RAPGEF2: variants seen among roughly 807,000 people sequenced by gnomAD.
The protein encoded by RAPGEF2 is PDZ domain containing guanine nucleotide exchange factor (GEF) 1.
Under a neutral mutation model 186.7 loss-of-function variants are expected in RAPGEF2, and 54 were observed. The ratio of observed to expected loss-of-function variants is 0.29; its 90% CI spans 0.23 to 0.36. RAPGEF2 has a LOEUF of 0.36. Among genes scored for constraint, RAPGEF2 ranks in the 10% least tolerant of loss-of-function variants. RAPGEF2 has a pLI of 1.00. For synonymous variants in RAPGEF2, 712 were observed against 705.9 expected, an observed-to-expected ratio of 1.01 and a Z score of -0.14; for missense variants, 1,532 against 2,045.0, an observed-to-expected ratio of 0.75 and a Z score of 4.84.
chr4:159,147,161 A>G (rs1743038155), intron 1 of RAPGEF2, among the ~76,000 whole-genome samples: 1 of 152,212 alleles, frequency 6.6e-6, no homozygotes, highest in African/African-American at 2.4e-5. Context: ...GAAACTAAAC[A>G]TTAATGACTA....
rs144688800 is a variant in RAPGEF2 at position 159,314,013 on chromosome 4, G to A, written c.676-578G>A. Among the ~76,000 whole-genome samples, 82 of 152,328 alleles carry A rather than the reference G, an allele frequency of 5.4e-4. 2 individuals are homozygous for A. In the East Asian group the frequency reaches 0.015, roughly 28 times the overall value. On this transcript the variant is annotated intron_variant, in intron 8 of 29. Coordinates refer to ENST00000691494, the MANE Select transcript of RAPGEF2 (RefSeq NM_001394067.2). ...CTGTGTTGATGAATGGGAAGAAAGA[G>A]TATGTTGCCTTTACGCGTATGGTCT...
chr4:159,119,133 A>G (rs899913004), intron 1 of RAPGEF2, among the ~76,000 whole-genome samples: 1 of 152,206 alleles, frequency 6.6e-6, no homozygotes, highest in Non-Finnish European at 1.5e-5. Flanking sequence ...GGTTAACTCC[A>G]GGCTTATTTT....
At chr4:159,319,978 G>T (rs1224607588) in intron 9 of RAPGEF2, among the ~76,000 whole-genome samples, 1 of 151,966 alleles carries the variant, frequency 6.6e-6, no homozygotes, top group East Asian at 1.9e-4. Flanking sequence ...TTCTATTATT[G>T]TCTAAACAGA....
intron 1 of RAPGEF2, among the ~76,000 whole-genome samples, chr4:159,125,900 T>G (rs781584441): frequency 1.3e-5 from 2 of 152,220 alleles, no homozygotes; most frequent in Non-Finnish European, 2.9e-5. Context: ...TTTGCTTTCA[T>G]CATGGTTCAG....
intron 4 of RAPGEF2, among the ~76,000 whole-genome samples, chr4:159,219,893 ATAT>A (rs1751370316): frequency 6.6e-6 from 1 of 152,214 alleles, no homozygotes; most frequent in East Asian, 1.9e-4. Context: ...TGTCCTACAA[ATAT>A]TATTGATTGC....
At chr4:159,178,583 A>G (rs1366800810) in intron 1 of RAPGEF2, among the ~76,000 whole-genome samples, 1 of 102,196 alleles carries the variant, frequency 9.8e-6, no homozygotes, top group Admixed American at 1.5e-4. Context: ...TTTGAGACGG[A>G]GTCTCGCTCT....
At chr4:159,354,072 G>C (rs1731600354) in intron 28 of RAPGEF2, 26 bp downstream of exon 28, 1 of 1,525,102 alleles carries the variant, frequency 6.6e-7, no homozygotes. Flanking sequence ...GGGGGACTTT[G>C]TCATGTCTGG....
At chr4:159,221,864 A>C (rs1262448533) in intron 4 of RAPGEF2, among the ~76,000 whole-genome samples, 1 of 152,232 alleles carries the variant, frequency 6.6e-6, no homozygotes, top group Non-Finnish European at 1.5e-5. Flanking sequence ...AAAATGATGA[A>C]ACAAATATCA....
At chr4:159,210,716 GATGC>G in intron 4 of RAPGEF2, 133 bp downstream of exon 4, 3 of 604,316 alleles carry the variant, frequency 5.0e-6, no homozygotes, top group Non-Finnish European at 8.4e-6. Context: ...TTGGGGTGTT[GATGC>G]ATGAATCTTT....
chr4:159,147,676 C>T (rs557228612), intron 1 of RAPGEF2, among the ~76,000 whole-genome samples: 2 of 152,184 alleles, frequency 1.3e-5, no homozygotes, highest in Admixed American at 6.5e-5. Flanking sequence ...AGAATGCATA[C>T]TGTAGTTGAA....
Position 159,343,156 on chromosome 4 carries a change from A to G in RAPGEF2, c.3096A>G (p.Pro1032=), listed in dbSNP as rs1729789651. 6.2e-7 allele frequency: 1 copy of G among 1,614,016 alleles called. No homozygotes were observed. Among genetic ancestry groups the G allele is most frequent in the African/African-American group, 1.3e-5 (1 of 74,920 alleles). The change falls in exon 21 of 30, where the codon CCA becomes CCG. Residue 1032 remains proline (P), a synonymous_variant. Transcript: ENST00000691494. ...AACCTCCCATAATCCCTCTATTCCCAGTTATCAAAAAGGATCTCACCTTCC... is the reference window on the plus strand; with the variant it reads ...AACCTCCCATAATCCCTCTATTCCCGGTTATCAAAAAGGATCTCACCTTCC... ...NLQPPIIPLF[P]VIKKDLTFLH...
intron 4 of RAPGEF2, among the ~76,000 whole-genome samples, chr4:159,223,819 T>C (rs367873247): frequency 1.6e-4 from 25 of 152,326 alleles, no homozygotes; most frequent in African/African-American, 5.5e-4. Flanking sequence ...GAATTTTAAC[T>C]TACATAATTT....
At chr4:159,296,199 T>C (rs748830797) in intron 7 of RAPGEF2, among the ~76,000 whole-genome samples, 7 of 152,212 alleles carry the variant, frequency 4.6e-5, no homozygotes, top group Admixed American at 2.6e-4. Flanking sequence ...CTGAATGTTA[T>C]ACAGCACTGT....
intron 1 of RAPGEF2, among the ~76,000 whole-genome samples, chr4:159,143,946 C>T (rs1159772096): frequency 2.6e-5 from 4 of 152,110 alleles, no homozygotes; most frequent in South Asian, 2.1e-4. Flanking sequence ...TGTTCAGAGA[C>T]GTTATTTTAC....
At chr4:159,303,637 C>CG (rs964821125) in intron 7 of RAPGEF2, among the ~76,000 whole-genome samples, 1 of 145,828 alleles carries the variant, frequency 6.9e-6, no homozygotes, top group African/African-American at 2.8e-5. Context: ...GTCAAATAAG[C>CG]GGTTTTTTTT....
chr4:159,185,110 C>G (rs1348205457), intron 1 of RAPGEF2, among the ~76,000 whole-genome samples: 1 of 152,058 alleles, frequency 6.6e-6, no homozygotes, highest in Non-Finnish European at 1.5e-5. Context: ...TGGGGAAATG[C>G]AAGTCAATAC....
At chr4:159,307,834 AG>A (rs1474320149) in intron 8 of RAPGEF2, among the ~76,000 whole-genome samples, 2 of 152,044 alleles carry the variant, frequency 1.3e-5, no homozygotes, top group African/African-American at 4.8e-5. Context: ...AGCCAGGTGT[AG>A]TGGTGCATGC....
intron 1 of RAPGEF2, among the ~76,000 whole-genome samples, chr4:159,176,322 C>T (rs1474703682): frequency 6.6e-6 from 1 of 152,050 alleles, no homozygotes; most frequent in African/African-American, 2.4e-5. Context: ...AGGCACCCTC[C>T]GCCCCCACCT....
At position 159,346,971 on chromosome 4, in the gene RAPGEF2, G is replaced by A. The variant is rs753835351; in HGVS notation, c.3685G>A (p.Val1229Met). ...AVSLYPSRKKVPVKDLPPFGI... is the reference protein window; with the variant it reads ...AVSLYPSRKKMPVKDLPPFGI... The stretch of plus-strand genomic sequence containing the variant: ...GTCCCTTTATCCTTCACGGAAGAAA[G>A]TGCCCGTAAAGGATCTCCCACCTTT... Residue 1229 changes from valine (V) to methionine (M), a missense_variant, in exon 25 of 30, where the codon GTG becomes ATG. Val to Met is a conservative substitution (Grantham distance 21). Coordinates refer to ENST00000691494, the MANE Select transcript of RAPGEF2 (RefSeq NM_001394067.2). 1.9e-6 allele frequency: 3 copies of A among 1,614,080 alleles called. No individual in the cohort carries two copies. The East Asian group carries it at 6.7e-5, about 36-fold the overall frequency.
Sources: gnomAD v4.1 joint callset for allele counts (sites outside exome capture counted in the v4.1 genomes callset) on GRCh38, gnomAD v4.1.1 for gene constraint, MANE v1.5 for transcripts, NCBI Gene and HGNC (gene_info 2026-07-23, HGNC 2026-07-21) for gene names.